The following PRR16 variants were observed in gnomAD, a reference collection of about 807,000 sequenced individuals.
The protein encoded by PRR16 is proline rich 16.
In PRR16, 6 loss-of-function variants were observed where a neutral mutation model predicts 18.2. The observed-to-expected ratio is 0.33, with a 90% CI of 0.18 to 0.65. The LOEUF (loss-of-function observed/expected upper bound fraction) is 0.65. PRR16 is among the 30% of genes least tolerant of loss of function. The pLI is 0.74. For missense variants in PRR16, 412 were observed against 376.6 expected, an observed-to-expected ratio of 1.09 and a Z score of -0.78; for synonymous variants, 151 against 147.8, an observed-to-expected ratio of 1.02 and a Z score of -0.16.
chr5:120,751,769 A>G, the PRR16 span, among the ~76,000 whole-genome samples: 1 of 152,036 alleles, frequency 6.6e-6, no homozygotes, highest in Admixed American at 6.6e-5. Context: ...TACTAATCTC[A>G]TTTCACTATC....
chr5:120,770,330 G>A, the PRR16 span, among the ~76,000 whole-genome samples: 2 of 151,926 alleles, frequency 1.3e-5, no homozygotes, highest in African/African-American at 4.8e-5. Flanking sequence ...GGAGATATTA[G>A]TCTCTTCCAC....
chr5:120,765,512 A>G, the PRR16 span, among the ~76,000 whole-genome samples: 1 of 151,932 alleles, frequency 6.6e-6, no homozygotes, highest in African/African-American at 2.4e-5. Flanking sequence ...TTAAAAGAAC[A>G]TTTTTTCCTG....
chr5:120,545,068 A>T (rs1365175047), intron 1 of PRR16, among the ~76,000 whole-genome samples: 1 of 152,138 alleles, frequency 6.6e-6, no homozygotes, highest in Non-Finnish European at 1.5e-5. Context: ...CTCCAAGAAG[A>T]CAAGACTGAG....
chr5:120,669,853 A>G (rs1373692095), intron 1 of PRR16, among the ~76,000 whole-genome samples: 3 of 152,128 alleles, frequency 2.0e-5, no homozygotes, highest in South Asian at 2.1e-4. Context: ...AATGAAGTAC[A>G]ATAGAAATAT....
At chr5:120,682,926 G>T (rs1036742182) in intron 1 of PRR16, among the ~76,000 whole-genome samples, 1 of 152,102 alleles carries the variant, frequency 6.6e-6, no homozygotes, top group African/African-American at 2.4e-5. Flanking sequence ...AATTAGTACC[G>T]GTTGTTATGT....
the PRR16 span, among the ~76,000 whole-genome samples, chr5:120,772,684 G>C: frequency 6.6e-6 from 1 of 152,030 alleles, no homozygotes; most frequent in East Asian, 1.9e-4. Flanking sequence ...AATGTTTGAT[G>C]CAATTAGGCA....
intron 1 of PRR16, among the ~76,000 whole-genome samples, chr5:120,497,232 T>C (rs1363847374): frequency 6.6e-6 from 1 of 152,142 alleles, no homozygotes; most frequent in Non-Finnish European, 1.5e-5. Flanking sequence ...CTCATGGTAC[T>C]GTTTACTTCT....
intron 1 of PRR16, among the ~76,000 whole-genome samples, chr5:120,480,098 G>C (rs1044444866): frequency 3.3e-5 from 5 of 152,046 alleles, no homozygotes; most frequent in African/African-American, 9.7e-5. Flanking sequence ...TATGCCCTTG[G>C]GGAAACTAAC....
At chr5:120,708,066 A>T in the PRR16 span, among the ~76,000 whole-genome samples, 4 of 152,222 alleles carry the variant, frequency 2.6e-5, no homozygotes, top group African/African-American at 9.6e-5. Flanking sequence ...TTTTCACTGT[A>T]ATAATTTGTC....
intron 1 of PRR16, among the ~76,000 whole-genome samples, chr5:120,579,280 C>T (rs879055550): frequency 2.0e-5 from 3 of 152,030 alleles, no homozygotes; most frequent in Non-Finnish European, 4.4e-5. Flanking sequence ...TCAATTTTGG[C>T]TTTTGCTGCA....
At chr5:120,467,011 G>A (rs552042487) in intron 1 of PRR16, among the ~76,000 whole-genome samples, 1 of 152,146 alleles carries the variant, frequency 6.6e-6, no homozygotes, top group Non-Finnish European at 1.5e-5. Context: ...TGAGAACAAA[G>A]TATTTATAGG....
chr5:120,520,776 T>G (rs1315774098), intron 1 of PRR16, among the ~76,000 whole-genome samples: 1 of 152,234 alleles, frequency 6.6e-6, no homozygotes, highest in East Asian at 1.9e-4. Context: ...GGTAGTATTT[T>G]GTTTAAAGCT....
the PRR16 span, among the ~76,000 whole-genome samples, chr5:120,760,649 C>T: frequency 6.6e-6 from 1 of 152,040 alleles, no homozygotes; most frequent in Non-Finnish European, 1.5e-5. Context: ...TAAATACTTT[C>T]ATTTTTCCTG....
chr5:120,779,923 T>G, the PRR16 span, among the ~76,000 whole-genome samples: 1 of 152,176 alleles, frequency 6.6e-6, no homozygotes, highest in Admixed American at 6.5e-5. Context: ...TTGTTCAGCA[T>G]TCCTGTGGAG....
At chr5:120,526,166 T>A (rs1232242829) in intron 1 of PRR16, among the ~76,000 whole-genome samples, 20 of 152,138 alleles carry the variant, frequency 1.3e-4, no homozygotes. Flanking sequence ...CCACAGGTAC[T>A]GTGGGTCTGG....
intron 1 of PRR16, among the ~76,000 whole-genome samples, chr5:120,538,418 A>G (rs1421731115): frequency 2.6e-5 from 4 of 152,210 alleles, no homozygotes; most frequent in African/African-American, 7.2e-5. Flanking sequence ...CTGTAGGAAC[A>G]ACAGTCATCT....
intron 1 of PRR16, among the ~76,000 whole-genome samples, chr5:120,492,560 A>G (rs533034947): frequency 1.3e-5 from 2 of 151,962 alleles, no homozygotes; most frequent in East Asian, 1.9e-4. Flanking sequence ...TTTTATTTCT[A>G]TATGTTTTAC....
the PRR16 span, among the ~76,000 whole-genome samples, chr5:120,698,860 C>G: frequency 1.3e-5 from 2 of 152,050 alleles, no homozygotes; most frequent in South Asian, 4.1e-4. Flanking sequence ...AAAGTTTTCA[C>G]TGAATACTAA....
At chr5:120,712,184 A>C in the PRR16 span, among the ~76,000 whole-genome samples, 1 of 152,182 alleles carries the variant, frequency 6.6e-6, no homozygotes, top group African/African-American at 2.4e-5. Context: ...TTACATATCC[A>C]TCACCTTCTA....
Sources: gnomAD v4.1 joint callset for allele counts (sites outside exome capture counted in the v4.1 genomes callset) on GRCh38, gnomAD v4.1.1 for gene constraint, MANE v1.5 for transcripts, NCBI Gene and HGNC (gene_info 2026-07-23, HGNC 2026-07-21) for gene names.